Variants in RESP18 observed in about 807,000 individuals in gnomAD.
RESP18 encodes the protein regulated endocrine-specific protein 18.
In RESP18, 30 loss-of-function variants were observed where a neutral mutation model predicts 30.0. The observed-to-expected ratio is 1.00, with a 90% CI of 0.75 to 1.36. RESP18 has a LOEUF of 1.36. Ranked by LOEUF, RESP18 falls within the 40% of genes most tolerant of loss-of-function variation. The pLI, the probability that RESP18 is intolerant of heterozygous loss-of-function variation, is 0.00. For missense variants in RESP18, 320 were observed against 284.2 expected, an observed-to-expected ratio of 1.13 and a Z score of -0.91; for synonymous variants, 117 against 111.2, an observed-to-expected ratio of 1.05 and a Z score of -0.33.
chr2:219,332,115 A>G (rs1189087507), intron 2 of RESP18, among the ~76,000 whole-genome samples: 1 of 152,038 alleles, frequency 6.6e-6, no homozygotes, highest in East Asian at 1.9e-4. Flanking sequence ...CCTTATTGGA[A>G]ACCGGATCAC....
chr2:219,332,553 G>T lies in RESP18; in HGVS notation c.203C>A (p.Pro68Gln), dbSNP rs1470499489. 2 of 1,551,088 alleles carry T rather than the reference G, an allele frequency of 1.3e-6. No homozygotes were observed. Among genetic ancestry groups the T allele is most frequent in the Non-Finnish European group, 1.7e-6 (2 of 1,146,942 alleles). The stretch of plus-strand genomic sequence containing the variant: ...GGCACTAGTGTCGCTGCAGCCCCCC[G>T]GGCAGCTGTTCAGCAGCAGGAAGCA... Residue 68 changes from proline (P) to glutamine (Q), a missense_variant, in exon 2 of 7, where the codon CCG (proline) becomes CAG (glutamine). Pro to Gln is a moderately conservative substitution (Grantham distance 76). Coordinates refer to ENST00000333527, the MANE Select transcript of RESP18 (RefSeq NM_001007089.4).
At chr2:219,329,339 G>A in intron 4 of RESP18, 87 bp from the exon 4 acceptor site, 1 of 1,551,730 alleles carries the variant, frequency 6.4e-7, no homozygotes, top group Non-Finnish European at 8.7e-7. Context: ...CAAAGTCAGG[G>A]ATTCACAATT....
chr2:219,332,510 G>A lies in RESP18; in HGVS notation c.232+14C>T. On this transcript the variant is annotated intron_variant, in intron 2 of 6. Coordinates refer to ENST00000333527, the MANE Select transcript of RESP18 (RefSeq NM_001007089.4). ...TTCTTGGCCCTGCCCGCACCCCCCAGGGTTCCTCCTGACCGTGGGCACTAG... is the reference window on the plus strand; with the variant it reads ...TTCTTGGCCCTGCCCGCACCCCCCAAGGTTCCTCCTGACCGTGGGCACTAG... 6.5e-7 allele frequency: 1 copy of A among 1,545,776 alleles called. No homozygotes were observed. Among genetic ancestry groups the A allele is most frequent in the Non-Finnish European group, 8.7e-7 (1 of 1,143,204 alleles).
chr2:219,327,580 CAAGG>C lies in RESP18; in HGVS notation c.641-21_641-18del. 6 of 1,550,918 alleles carry C rather than the reference CAAGG, an allele frequency of 3.9e-6. No individual in the cohort carries two copies. The highest frequency in any genetic ancestry group is 5.2e-6 in the Non-Finnish European group (6 of 1,146,372). On this transcript the variant is annotated intron_variant, in intron 6 of 6. Transcript: ENST00000333527. The stretch of plus-strand genomic sequence containing the variant: ...AGAGAAGCCCTAAAACAAGAAGAAA[CAAGG>C]GAGCTAGAGTCAGGATGTGAGACAG...
chr2:219,332,618 T>C lies in RESP18; in HGVS notation c.138A>G (p.Pro46=), dbSNP rs1252455493. ...GCCCCTCGGAGCTCCCAGGCCACAG[T>C]GGGTGCTGTATCCTCCCAGGCTCGG... The change falls in exon 2 of 7, where the codon CCA becomes CCG. Residue 46 remains proline (P), a synonymous_variant. Transcript: ENST00000333527. 4 of 1,551,342 alleles carry C rather than the reference T, an allele frequency of 2.6e-6. No homozygotes were observed. In the African/African-American group the frequency reaches 4.1e-5, roughly 16 times the overall value.
rs114006326 is a variant in RESP18 at position 219,330,488 on chromosome 2, G to T, written c.337+283C>A. ...AAAAGCTCATATAGTGCTGGGGTTG[G>T]GGGGAGACTAGTCTCAAGGAGTTGG... On this transcript the variant is annotated intron_variant, in intron 3 of 6. Transcript: ENST00000333527. 6.8e-3 allele frequency among the ~76,000 whole-genome samples: 1,035 copies of T among 151,754 alleles called. 6 individuals are homozygous for T. The highest frequency in any genetic ancestry group is 0.01 in the Non-Finnish European group (709 of 67,986).
chr2:219,329,629 C>G lies in RESP18; in HGVS notation c.465+8G>C. ...GCTTGGAATGACCACAGGCCTCATG[C>G]ACCTCACCTCAGTGGTTTTAGTGGG... On this transcript the variant is annotated splice_region_variant and intron_variant, in intron 4 of 6. Transcript: ENST00000333527. 1 of 1,551,380 alleles carries G rather than the reference C, an allele frequency of 6.4e-7. No homozygotes were observed. The highest frequency in any genetic ancestry group is 8.7e-7 in the Non-Finnish European group (1 of 1,146,952).
chr2:219,333,029 T>G (rs1212054479), intron 1 of RESP18: 12 of 887,826 alleles, frequency 1.4e-5, no homozygotes, highest in Non-Finnish European at 1.9e-5. Flanking sequence ...ATTTAGTTTA[T>G]TTTATTATCC....
intron 5 of RESP18, 54 bp downstream of exon 4, chr2:219,329,109 C>T: frequency 6.6e-7 from 1 of 1,504,704 alleles, no homozygotes; most frequent in East Asian, 2.5e-5. Context: ...TTCTTCCTAT[C>T]TGCCTCCCTC....
intron 4 of RESP18, 143 bp from the exon 4 acceptor site, chr2:219,329,395 TCTC>T (rs1952806401): frequency 1.3e-6 from 2 of 1,551,360 alleles, no homozygotes; most frequent in South Asian, 2.4e-5. Context: ...AGTTGAAGTT[TCTC>T]CTCTTGCTAG....
chr2:219,329,101 C>T (rs1952803293), intron 5 of RESP18, 62 bp downstream of exon 4: 3 of 1,495,076 alleles, frequency 2.0e-6, no homozygotes, highest in Non-Finnish European at 2.7e-6. Flanking sequence ...CCATTCCCTT[C>T]TTCCTATCTG....
chr2:219,332,422 TCTTTTA>T (rs778485899), intron 2 of RESP18, 96 bp downstream of exon 1: 139 of 830,800 alleles, frequency 1.7e-4, no homozygotes, highest in Non-Finnish European at 2.3e-4. Flanking sequence ...TTAAGCACAT[TCTTTTA>T]CTTCCAAGTT....
rs1952826902 is a variant in RESP18, at chr2:219,331,159, A to G, written c.233-284T>C. ...AGTTCAGATGCGCAGAGGCTCAGAAAGCTGAGCACATGGGAATAGTAATCA... is the reference window on the plus strand; with the variant it reads ...AGTTCAGATGCGCAGAGGCTCAGAAGGCTGAGCACATGGGAATAGTAATCA... On this transcript the variant is annotated intron_variant, in intron 2 of 6. Transcript: ENST00000333527. 3 of 311,472 alleles carry G rather than the reference A, an allele frequency of 9.6e-6. No homozygotes were observed. The South Asian group carries it at 1.4e-4, about 14-fold the overall frequency. The allele number at this position is 311,472 out of a possible 1,614,324, so 19.3% of individuals were successfully genotyped here. A position where few individuals can be genotyped will look rare whatever the true frequency, so the allele number is the denominator to read the frequency against.
rs1237818243 is a variant in RESP18, at chr2:219,329,760, C to G, written c.342G>C (p.Leu114=). 21 of 1,551,146 alleles carry G rather than the reference C, an allele frequency of 1.4e-5. No homozygotes were observed. The highest frequency in any genetic ancestry group is 1.3e-5 in the Non-Finnish European group (15 of 1,146,674). ...CCTGGGTGATGTCATCCTTCCAGAA[C>G]AGACCTGCAGGATGAAAGGATGGGG... The change falls in exon 4 of 7, where the codon CTG becomes CTC. Residue 114 remains leucine, a synonymous_variant. Coordinates refer to ENST00000333527, the MANE Select transcript of RESP18 (RefSeq NM_001007089.4).
At position 219,332,633 on chromosome 2, in the gene RESP18, C is replaced by A; in HGVS notation, c.123G>T (p.Gly41=). ...CAGGCCACAGTGGGTGCTGTATCCT[C>A]CCAGGCTCGGCGCGCTCACTCCCCG... The change falls in exon 2 of 7, where the codon GGG becomes GGT. Residue 41 remains glycine (G), a synonymous_variant. Transcript: ENST00000333527. 6.4e-7 allele frequency: 1 copy of A among 1,551,466 alleles called. No homozygotes were observed. The highest frequency in any genetic ancestry group is 8.7e-7 in the Non-Finnish European group (1 of 1,146,962).
At position 219,332,537 on chromosome 2, in the gene RESP18, G is replaced by T. The variant is rs1206219853; in HGVS notation, c.219C>A (p.Asp73Glu). The T allele has an allele frequency of 3.2e-6, 5 of 1,550,746 alleles. No individual in the cohort carries two copies. The highest frequency in any genetic ancestry group is 1.4e-5 in the African/African-American group (1 of 72,974). ...GTTCCTCCTGACCGTGGGCACTAGT[G>T]TCGCTGCAGCCCCCCGGGCAGCTGT... Residue 73 changes from aspartate (D) to glutamate (E), a missense_variant, in exon 2 of 7, where the codon GAC becomes GAA. Transcript: ENST00000333527.
chr2:219,333,050 T>C (rs1232103877), intron 1 of RESP18: 2 of 986,572 alleles, frequency 2.0e-6, no homozygotes, highest in Non-Finnish European at 1.4e-6. Context: ...TTGACACTCT[T>C]TACTCTGGCC....
intron 3 of RESP18, among the ~76,000 whole-genome samples, chr2:219,330,384 CTGTT>C (rs57785946): frequency 0.037 from 5,634 of 152,250 alleles, 199 homozygotes; most frequent in East Asian, 0.1. Context: ...TTCCTCCCAT[CTGTT>C]TGTCATACAA....
rs1278064543 is a variant in RESP18 at position 219,329,781 on chromosome 2, T to TGG, written c.338-19_338-18dup. ...AGAACAGACCTGCAGGATGAAAGGA[T>TGG]GGGGGGTGAGTTGACACCTGAGACA... is the stretch of plus-strand genomic sequence containing the variant. On this transcript the variant is annotated splice_polypyrimidine_tract_variant and intron_variant, in intron 3 of 6. Transcript: ENST00000333527. The TGG allele has an allele frequency of 8.4e-6, 13 of 1,548,212 alleles. No homozygotes were observed. The highest frequency in any genetic ancestry group is 1.1e-5 in the Non-Finnish European group (13 of 1,144,466).
Sources: gnomAD v4.1 joint callset for allele counts (sites outside exome capture counted in the v4.1 genomes callset) on GRCh38, gnomAD v4.1.1 for gene constraint, MANE v1.5 for transcripts, NCBI Gene and HGNC (gene_info 2026-07-23, HGNC 2026-07-21) for gene names.